SPEN: variants seen among roughly 807,000 people sequenced by gnomAD.
SPEN encodes the protein spen family transcriptional repressor, also known as msx2-interacting protein.
A neutral mutation model predicts 269.9 loss-of-function variants in SPEN; 18 were observed. The observed-to-expected ratio is 0.07, with a 90% confidence interval of 0.05 to 0.10. The LOEUF (loss-of-function observed/expected upper bound fraction) is 0.10, where lower values mean the gene tolerates loss of function less well. SPEN is among the 10% of genes least tolerant of loss of function. The pLI, the probability that SPEN is intolerant of heterozygous loss-of-function variation, is 1.00. For synonymous variants in SPEN, 1,726 were observed against 1,765.7 expected (o/e 0.98, Z 0.56); for missense variants, 3,822 against 4,631.2 (o/e 0.83, Z 5.07).
At chr1:15,919,115 G>GT (rs35883633) in intron 7 of SPEN, 64 bp downstream of exon 7, 16,355 of 1,253,080 alleles carry the variant, frequency 0.013, 10 homozygotes, top group African/African-American at 0.022. Flanking sequence ...GACTTGAAGG[G>GT]TTTTTTTTTT....
Position 15,939,513 on chromosome 1 carries a change from C to G in SPEN, c.*86C>G. 7.0e-7 allele frequency: 1 copy of G among 1,434,954 alleles called. No homozygotes were observed. The allele number at this position is 1,434,954 out of a possible 1,614,324, so 88.9% of individuals were successfully genotyped here. ...CAACCCAGCCAAGCAGAGGAAGAAG[C>G]TGCCGAAGGGGACAGACTCCACTGC... On this transcript the variant is annotated 3_prime_UTR_variant, in exon 15 of 15. Transcript: ENST00000375759. The surrounding 1 kb of genome is among the most constrained non-coding windows in gnomAD (Gnocchi z 4.1).
At chr1:15,909,999 C>T (rs897231951) in intron 4 of SPEN, among the ~76,000 whole-genome samples, 5 of 151,726 alleles carry the variant, frequency 3.3e-5, no homozygotes, top group African/African-American at 1.2e-4. Flanking sequence ...TGGCGGGCGT[C>T]TGTAGTCCCA....
chr1:15,899,660 A>G (rs2070881624), intron 3 of SPEN, among the ~76,000 whole-genome samples: 1 of 148,480 alleles, frequency 6.7e-6, no homozygotes. Flanking sequence ...GTATGAGCCC[A>G]GTTTCACATG....
Position 15,935,374 on chromosome 1 carries a change from C to A in SPEN, c.9134C>A (p.Thr3045Asn). Reference protein sequence around the residue: ...SFPRASHPSSTASTALSTNAT... With the variant: ...SFPRASHPSSNASTALSTNAT... ...CCAAGGGCAAGCCACCCCAGCAGTA[C>A]TGCATCTACGGCGCTCTCCACCAAC... The change falls in exon 11 of 15, where the codon ACT (threonine) becomes AAT (asparagine). Residue 3045 changes from threonine to asparagine, a missense_variant. Thr to Asn is a moderately conservative substitution (Grantham distance 65). Transcript: ENST00000375759. The surrounding 1 kb of genome is among the most constrained non-coding windows in gnomAD (Gnocchi z 7.7). 1 of 1,614,146 alleles carries A rather than the reference C, an allele frequency of 6.2e-7. No individual in the cohort carries two copies. Among genetic ancestry groups the A allele is most frequent in the Non-Finnish European group, 8.5e-7 (1 of 1,180,006 alleles).
At chr1:15,925,074 C>G (rs2071153481) in intron 10 of SPEN, among the ~76,000 whole-genome samples, 1 of 152,318 alleles carries the variant, frequency 6.6e-6, no homozygotes, top group Non-Finnish European at 1.5e-5. Flanking sequence ...AATGACAACT[C>G]TATTTGCACA....
rs1255183009 is a variant in SPEN, at chr1:15,937,482, C to T, written c.10346C>T (p.Thr3449Ile). 1 of 1,613,988 alleles carries T rather than the reference C, an allele frequency of 6.2e-7. No individual in the cohort carries two copies. The highest frequency in any genetic ancestry group is 1.3e-5 in the African/African-American group (1 of 74,908). The change falls in exon 12 of 15, where the codon ACT becomes ATT. Residue 3449 changes from threonine (T) to isoleucine (I), a missense_variant. Physicochemically the swap from Thr to Ile is moderately conservative, Grantham distance 89. Around this residue, in one of 16 missense-constraint regions of SPEN, gnomAD observed 359 missense variants for 377.3 expected, o/e 0.95. Transcript: ENST00000375759. The surrounding 1 kb of genome is among the most constrained non-coding windows in gnomAD (Gnocchi z 5.7). ...MKPDLPVSLP[T>I]QTAPKQPLFV... ...CCTGACCTTCCAGTCTCTCTTCCCA[C>T]TCAGACTGCCCCAAAACAGCCGTTG...
chr1:15,899,537 GTTTTTTTTTT>G (rs34565365), intron 3 of SPEN, among the ~76,000 whole-genome samples: 17 of 83,422 alleles, frequency 2.0e-4, no homozygotes, highest in African/African-American at 4.5e-4. Flanking sequence ...ATGTGGCAGA[GTTTTTTTTTT>G]TTTTTTTTTT....
chr1:15,936,370 G>A, intron 11 of SPEN, 104 bp downstream of exon 11: 1 of 1,411,802 alleles, frequency 7.1e-7, no homozygotes, highest in Non-Finnish European at 9.2e-7. Flanking sequence ...GCCAGGTGTG[G>A]TGGCTTATGC....
chr1:15,850,560 G>A (rs2070325876), intron 1 of SPEN, among the ~76,000 whole-genome samples: 1 of 152,002 alleles, frequency 6.6e-6, no homozygotes, highest in Non-Finnish European at 1.5e-5. Flanking sequence ...CCAAAATCCA[G>A]GTAATGTCTA....
At chr1:15,906,773 C>CTTTTTTTT (rs1229092780) in intron 3 of SPEN, among the ~76,000 whole-genome samples, 29 of 96,516 alleles carry the variant, frequency 3.0e-4, no homozygotes, top group Non-Finnish European at 4.5e-4. Context: ...ATGTTTTCAT[C>CTTTTTTTT]TTTTTTTTTT....
rs1173518697 is a variant in SPEN, at chr1:15,931,460, C to T, written c.5220C>T (p.Ala1740=). ...ATGCCAAGCCTCCAACTCCCGGGGC[C>T]TCGTTTTCCCAGGCAGAGAGCAACG... ...YLDAKPPTPG[A]SFSQAESNVD... is the part of the protein sequence containing the mutation. Residue 1740 remains alanine (A), a synonymous_variant, in exon 11 of 15, where the codon GCC becomes GCT. Coordinates refer to ENST00000375759, the MANE Select transcript of SPEN (RefSeq NM_015001.3). This position sits in a 1 kb window ranked among gnomAD's most constrained non-coding sequence, Gnocchi z 4.8. 1.2e-6 allele frequency: 2 copies of T among 1,613,990 alleles called. No individual in the cohort carries two copies. Among genetic ancestry groups the T allele is most frequent in the African/African-American group, 1.3e-5 (1 of 74,886 alleles).
At chr1:15,920,422 T>G (rs2071107310) in intron 8 of SPEN, among the ~76,000 whole-genome samples, 1 of 152,212 alleles carries the variant, frequency 6.6e-6, no homozygotes, top group South Asian at 2.1e-4. Context: ...AGATTGCCTG[T>G]ATAAAAAAAT....
intron 5 of SPEN, among the ~76,000 whole-genome samples, chr1:15,913,386 C>CT (rs926533828): frequency 8.0e-5 from 12 of 149,098 alleles, no homozygotes; most frequent in East Asian, 2.0e-4. Flanking sequence ...ACGTGGAAAA[C>CT]TTTTTTTTTT....
chr1:15,861,347 G>A (rs970518794), intron 1 of SPEN, among the ~76,000 whole-genome samples: 3 of 151,948 alleles, frequency 2.0e-5, no homozygotes, highest in Non-Finnish European at 4.4e-5. Flanking sequence ...GGCCAGGCTC[G>A]TCTCGAACTC....
chr1:15,859,010 G>C (rs1236333031), intron 1 of SPEN, among the ~76,000 whole-genome samples: 1 of 152,146 alleles, frequency 6.6e-6, no homozygotes, highest in Non-Finnish European at 1.5e-5. Flanking sequence ...TGACATTGGT[G>C]TATCAGTTAC....
In SPEN at chr1:15,940,413, T is replaced by C. The variant is rs189639158; in HGVS notation, c.*986T>C. The C allele has an allele frequency of 8.9e-4, 207 of 231,740 alleles. No individual in the cohort carries two copies. Among genetic ancestry groups the C allele is most frequent in the African/African-American group, 4.2e-3 (189 of 45,366 alleles). The allele number at this position is 231,740 out of a possible 1,614,324, so 14.4% of individuals were successfully genotyped here. A position where few individuals can be genotyped will look rare whatever the true frequency, so the allele number is the denominator to read the frequency against. On this transcript the variant is annotated 3_prime_UTR_variant, in exon 15 of 15. Coordinates refer to ENST00000375759, the MANE Select transcript of SPEN (RefSeq NM_015001.3). ...TTTTTCTCAGCGCAGTTTTGTTTTG[T>C]GTGTCCATTGGATTACAAACTTTAT...
chr1:15,864,654 A>G (rs1365544576), intron 1 of SPEN, among the ~76,000 whole-genome samples: 66 of 129,954 alleles, frequency 5.1e-4, no homozygotes, highest in African/African-American at 1.9e-3. Flanking sequence ...TCTGTCACCC[A>G]GTCTGGAGTT....
At position 15,922,354 on chromosome 1, in the gene SPEN, G is replaced by A. The variant is rs376513593; in HGVS notation, c.1850+5G>A. 6.3e-7 allele frequency: 1 copy of A among 1,592,546 alleles called. No homozygotes were observed. Among genetic ancestry groups the A allele is most frequent in the Non-Finnish European group, 8.5e-7 (1 of 1,169,804 alleles). ...TGAAATGTTAGCCGAAAGAAGGTAT[G>A]TATTTTAAACTTACCAGTGTAGCTT... On this transcript the variant is annotated splice_donor_5th_base_variant and intron_variant, in intron 10 of 14. Transcript: ENST00000375759.
intron 5 of SPEN, among the ~76,000 whole-genome samples, chr1:15,914,847 A>C (rs899612536): frequency 1.2e-4 from 19 of 152,098 alleles, no homozygotes; most frequent in Admixed American, 2.6e-4. Flanking sequence ...GAAGAAGAAG[A>C]AGCCGTAACA....
Sources: allele counts gnomAD v4.1 joint callset (sites outside exome capture counted in the v4.1 genomes callset), GRCh38; gene constraint gnomAD v4.1.1; regional missense constraint gnomAD v4.1.1; non-coding constraint Gnocchi (gnomAD v3.1); transcripts MANE v1.5; gene names NCBI Gene and HGNC (gene_info 2026-07-23, HGNC 2026-07-21).